MICU3: variants seen among roughly 807,000 people sequenced by gnomAD.
MICU3 encodes calcium uptake protein 3, mitochondrial.
Under a neutral mutation model 66.5 loss-of-function variants are expected in MICU3, and 62 were observed. The observed-to-expected ratio is 0.93, with a 90% CI of 0.76 to 1.15. The LOEUF is 1.15. Ranked by LOEUF, MICU3 falls within the 50% of genes most tolerant of loss-of-function variation. The pLI is 0.00. For synonymous variants in MICU3, 308 were observed against 240.7 expected (o/e 1.28, Z -2.59); for missense variants, 779 against 664.4 (o/e 1.17, Z -1.90).
At chr8:17,130,971 A>G in the MICU3 span, among the ~76,000 whole-genome samples, 1 of 152,222 alleles carries the variant, frequency 6.6e-6, no homozygotes, top group Non-Finnish European at 1.5e-5. Flanking sequence ...GAGTACATGT[A>G]AAATGATAGA....
chr8:17,066,538 T>TAC (rs1368172068), intron 2 of MICU3, among the ~76,000 whole-genome samples: 1 of 127,748 alleles, frequency 7.8e-6, no homozygotes, highest in Non-Finnish European at 1.6e-5. Flanking sequence ...TATATATATA[T>TAC]ATAGATTTTT....
intron 1 of MICU3, among the ~76,000 whole-genome samples, chr8:17,036,380 A>G (rs984805845): frequency 1.3e-5 from 2 of 152,122 alleles, no homozygotes; most frequent in Non-Finnish European, 2.9e-5. Context: ...AAGCTTCCAC[A>G]GTGTGGAAGG....
intron 1 of MICU3, among the ~76,000 whole-genome samples, chr8:17,047,933 A>G (rs1176783195): frequency 6.6e-6 from 1 of 152,222 alleles, no homozygotes; most frequent in Non-Finnish European, 1.5e-5. Context: ...GTATACAACA[A>G]CAATTATTAT....
At chr8:17,056,542 T>C (rs1359740838) in intron 1 of MICU3, among the ~76,000 whole-genome samples, 2 of 152,178 alleles carry the variant, frequency 1.3e-5, no homozygotes, top group African/African-American at 4.8e-5. Flanking sequence ...GAATTCATGA[T>C]TGAATGGAAG....
At chr8:17,063,362 A>AT (rs1348186637) in intron 1 of MICU3, among the ~76,000 whole-genome samples, 3 of 152,100 alleles carry the variant, frequency 2.0e-5, no homozygotes, top group Non-Finnish European at 2.9e-5. Context: ...TACTTAACAA[A>AT]TTTTTTACAA....
chr8:17,111,820 C>T (rs565488395), intron 11 of MICU3, among the ~76,000 whole-genome samples: 4 of 152,264 alleles, frequency 2.6e-5, no homozygotes, highest in African/African-American at 9.6e-5. Context: ...AGTTCACTTT[C>T]ACACTGCTAT....
intron 1 of MICU3, among the ~76,000 whole-genome samples, chr8:17,039,674 G>A (rs1813689662): frequency 6.6e-6 from 1 of 152,002 alleles, no homozygotes; most frequent in African/African-American, 2.4e-5. Flanking sequence ...ATATGTAGCT[G>A]TCCTCTTACA....
intron 8 of MICU3, among the ~76,000 whole-genome samples, chr8:17,092,585 A>G (rs1469542687): frequency 2.0e-5 from 3 of 152,030 alleles, no homozygotes; most frequent in Non-Finnish European, 4.4e-5. Context: ...TACATAGTCT[A>G]AAATATTACA....
chr8:17,107,539 G>A (rs1232268422), intron 11 of MICU3, among the ~76,000 whole-genome samples: 7 of 152,158 alleles, frequency 4.6e-5, no homozygotes, highest in Non-Finnish European at 1.0e-4. Flanking sequence ...AGAGTGATGG[G>A]AAGCCACTAT....
intron 12 of MICU3, among the ~76,000 whole-genome samples, chr8:17,114,852 G>A (rs1352706887): frequency 6.6e-6 from 1 of 152,194 alleles, no homozygotes; most frequent in African/African-American, 2.4e-5. Flanking sequence ...GGGCGCGGTG[G>A]CTCACGCCTG....
At chr8:17,129,585 A>G in the MICU3 span, among the ~76,000 whole-genome samples, 1 of 152,218 alleles carries the variant, frequency 6.6e-6, no homozygotes, top group South Asian at 2.1e-4. Context: ...GGGAAATACA[A>G]GCTATCCAAA....
intron 1 of MICU3, among the ~76,000 whole-genome samples, chr8:17,033,527 G>T (rs1029646137): frequency 6.6e-6 from 1 of 151,796 alleles, no homozygotes; most frequent in Admixed American, 6.6e-5. Context: ...GCTCCGCCTC[G>T]CCGGGTTCAT....
At chr8:17,103,071 T>C (rs2150807409) in intron 9 of MICU3, among the ~76,000 whole-genome samples, 1 of 152,110 alleles carries the variant, frequency 6.6e-6, no homozygotes, top group East Asian at 1.9e-4. Flanking sequence ...GACATGTGAA[T>C]AATTAGTCAC....
chr8:17,102,757 A>T (rs1388862479), intron 9 of MICU3: 1 of 151,732 alleles, frequency 6.6e-6, no homozygotes, highest in Non-Finnish European at 1.5e-5. Context: ...ACCTGGCTGT[A>T]TTTTTTTTCC....
intron 8 of MICU3, among the ~76,000 whole-genome samples, chr8:17,091,593 G>T (rs947725036): frequency 1.3e-5 from 2 of 152,036 alleles, no homozygotes; most frequent in South Asian, 2.1e-4. Context: ...CTAAACCTAA[G>T]ATATTTTTCC....
chr8:17,035,609 G>C (rs753004017), intron 1 of MICU3, among the ~76,000 whole-genome samples: 2 of 152,206 alleles, frequency 1.3e-5, no homozygotes, highest in Admixed American at 6.5e-5. Flanking sequence ...GAACTTGAGA[G>C]AGATAATTTT....
chr8:17,031,346 G>A (rs1188237801), intron 1 of MICU3, among the ~76,000 whole-genome samples: 1 of 150,386 alleles, frequency 6.6e-6, no homozygotes, highest in Non-Finnish European at 1.5e-5. Flanking sequence ...GGACTGCAGG[G>A]GTGTGATCTC....
chr8:17,091,137 TA>T lies in MICU3; in HGVS notation c.888+556del, dbSNP rs563499640. ...TTATATCAGTTTATCATATTATTTCTAAAGAGGATAATGACTTTCAGACTTT... is the reference window on the plus strand; with the variant it reads ...TTATATCAGTTTATCATATTATTTCTAAGAGGATAATGACTTTCAGACTTT... On this transcript the variant is annotated intron_variant, in intron 8 of 14. Transcript: ENST00000318063. 7.9e-5 allele frequency among the ~76,000 whole-genome samples: 12 copies of T among 152,228 alleles called. No homozygotes were observed. The South Asian group carries it at 2.5e-3, about 32-fold the overall frequency.
At chr8:17,093,143 G>A (rs1021071348) in intron 8 of MICU3, among the ~76,000 whole-genome samples, 6 of 151,922 alleles carry the variant, frequency 3.9e-5, no homozygotes, top group African/African-American at 1.4e-4. Flanking sequence ...AACCTTTTCT[G>A]TTCCAAATAA....
Sources: allele counts gnomAD v4.1 joint callset (sites outside exome capture counted in the v4.1 genomes callset), GRCh38; gene constraint gnomAD v4.1.1; transcripts MANE v1.5; gene names NCBI Gene and HGNC (gene_info 2026-07-23, HGNC 2026-07-21).